Variants in CPNE8 observed in about 807,000 individuals in gnomAD.
CPNE8 encodes the protein copine-8.
A neutral mutation model predicts 81.5 loss-of-function variants in CPNE8; 45 were observed. The ratio of observed to expected loss-of-function variants is 0.55; its 90% CI spans 0.44 to 0.71. The LOEUF is 0.71. Ranked by LOEUF, CPNE8 falls within the 30% of genes least tolerant of loss-of-function variation. The probability of loss-of-function intolerance (pLI) is 0.00; values close to 1 mark genes in which losing one functional copy is unlikely to be tolerated. For missense variants in CPNE8, 594 were observed against 672.1 expected (o/e 0.88, Z 1.28); for synonymous variants, 252 against 226.3 (o/e 1.11, Z -1.02).
chr12:38,786,948 A>G (rs1215953880), intron 6 of CPNE8, among the ~76,000 whole-genome samples: 1 of 152,180 alleles, frequency 6.6e-6, no homozygotes, highest in Non-Finnish European at 1.5e-5. Context: ...AAGCATCCAG[A>G]TATATAACAC....
At chr12:38,690,550 G>A (rs150645295) in intron 15 of CPNE8, among the ~76,000 whole-genome samples, 20 of 152,130 alleles carry the variant, frequency 1.3e-4, no homozygotes, top group African/African-American at 4.1e-4. Flanking sequence ...ATAAATGTTC[G>A]AATTGGGCTC....
At chr12:38,689,546 C>T (rs1939620934) in intron 15 of CPNE8, among the ~76,000 whole-genome samples, 1 of 152,182 alleles carries the variant, frequency 6.6e-6, no homozygotes, top group Non-Finnish European at 1.5e-5. Flanking sequence ...GAACAAACAC[C>T]TATTGAGCTT....
At chr12:38,687,925 T>C (rs1939570379) in intron 15 of CPNE8, among the ~76,000 whole-genome samples, 1 of 152,218 alleles carries the variant, frequency 6.6e-6, no homozygotes, top group Non-Finnish European at 1.5e-5. Context: ...AAGATAAGTT[T>C]AATATTTAGC....
chr12:38,710,645 C>T (rs1454259481), intron 13 of CPNE8, among the ~76,000 whole-genome samples: 2 of 152,250 alleles, frequency 1.3e-5, no homozygotes, highest in East Asian at 1.9e-4. Context: ...TAACACTCTC[C>T]TCTGTGGGGT....
chr12:38,835,585 C>T (rs1287823296), intron 5 of CPNE8, among the ~76,000 whole-genome samples: 2 of 152,076 alleles, frequency 1.3e-5, no homozygotes, highest in African/African-American at 2.4e-5. Flanking sequence ...TATTGCCTGT[C>T]TGCCTATATG....
intron 13 of CPNE8, among the ~76,000 whole-genome samples, chr12:38,715,629 C>A (rs1023976410): frequency 4.6e-5 from 7 of 151,812 alleles, no homozygotes; most frequent in Non-Finnish European, 1.0e-4. Flanking sequence ...AATAAGCATG[C>A]AAAGGACTTA....
At chr12:38,902,830 A>ATT (rs1453309523) in intron 1 of CPNE8, among the ~76,000 whole-genome samples, 1 of 152,210 alleles carries the variant, frequency 6.6e-6, no homozygotes, top group Non-Finnish European at 1.5e-5. Context: ...AATAGCTAAC[A>ATT]TTTTTGAAAA....
At chr12:38,781,087 G>GA (rs994038599) in intron 6 of CPNE8, among the ~76,000 whole-genome samples, 6 of 151,836 alleles carry the variant, frequency 4.0e-5, no homozygotes, top group Non-Finnish European at 7.4e-5. Flanking sequence ...TAAATATGCT[G>GA]AAAAAATAGA....
intron 10 of CPNE8, among the ~76,000 whole-genome samples, chr12:38,754,127 A>C (rs1941409622): frequency 6.6e-6 from 1 of 152,254 alleles, no homozygotes; most frequent in South Asian, 2.1e-4. Context: ...AAATGACAGC[A>C]CTGAAATCGG....
chr12:38,843,095 G>C (rs563293679), intron 4 of CPNE8, among the ~76,000 whole-genome samples: 1 of 152,282 alleles, frequency 6.6e-6, no homozygotes, highest in Non-Finnish European at 1.5e-5. Flanking sequence ...TTTCTCCTAA[G>C]AGGATGCATC....
intron 10 of CPNE8, among the ~76,000 whole-genome samples, chr12:38,754,592 C>G (rs1941421097): frequency 1.3e-5 from 2 of 150,868 alleles, no homozygotes; most frequent in Non-Finnish European, 2.9e-5. Context: ...TGAAGATGTA[C>G]AGAAGTTAAA....
intron 1 of CPNE8, among the ~76,000 whole-genome samples, chr12:38,879,581 TTG>T (rs1345060110): frequency 1.3e-5 from 2 of 152,128 alleles, no homozygotes; most frequent in African/African-American, 4.8e-5. Context: ...AAAAAGTGAC[TTG>T]TGAGTTAATC....
intron 10 of CPNE8, among the ~76,000 whole-genome samples, chr12:38,737,305 G>T (rs1940978571): frequency 6.6e-6 from 1 of 151,740 alleles, no homozygotes; most frequent in African/African-American, 2.4e-5. Flanking sequence ...GCAATTAAAT[G>T]CCATCACCTA....
At position 38,712,496 on chromosome 12, in the gene CPNE8, AACC is replaced by A. The variant is rs1940284636; in HGVS notation, c.915-9578_915-9576del. ...TCAAAGTGCTGGGATTACAGGTGTG[AACC>A]ACCATGCCCAGGCTGCCACCAATTT... On this transcript the variant is annotated intron_variant, in intron 13 of 19. Coordinates refer to ENST00000331366, the MANE Select transcript of CPNE8 (RefSeq NM_153634.3). 5.3e-5 allele frequency among the ~76,000 whole-genome samples: 8 copies of A among 152,268 alleles called. No individual in the cohort carries two copies. In the South Asian group the frequency reaches 1.5e-3, roughly 28 times the overall value.
intron 11 of CPNE8, among the ~76,000 whole-genome samples, 179 bp from the exon 12 acceptor site, chr12:38,725,078 A>C (rs1481405067): frequency 6.6e-6 from 1 of 152,216 alleles, no homozygotes; most frequent in Non-Finnish European, 1.5e-5. Context: ...GCAAAAGTTA[A>C]TAGTGACTAT....
chr12:38,822,064 T>C (rs1202959400), intron 6 of CPNE8, among the ~76,000 whole-genome samples: 1 of 152,206 alleles, frequency 6.6e-6, no homozygotes, highest in Non-Finnish European at 1.5e-5. Flanking sequence ...AGGCAATCAG[T>C]GGTTTTATTT....
intron 6 of CPNE8, among the ~76,000 whole-genome samples, chr12:38,824,332 A>C (rs1292503484): frequency 6.6e-6 from 1 of 152,132 alleles, no homozygotes; most frequent in Non-Finnish European, 1.5e-5. Context: ...AAAAGGCTAC[A>C]TACAACAAAC....
Position 38,653,936 on chromosome 12 carries a change from T to A in CPNE8, c.1641A>T (p.Ser547=). 1 of 1,613,646 alleles carries A rather than the reference T, an allele frequency of 6.2e-7. No homozygotes were observed. Among genetic ancestry groups the A allele is most frequent in the Non-Finnish European group, 8.5e-7 (1 of 1,179,942 alleles). ...SYMRARGIKP[S]PAPPPYTPPT... ...GTGGGGTGTATGGGGGAGGCGCAGG[T>A]GATGGCTTGATTCCTCGGGCTCTCA... is the stretch of plus-strand genomic sequence containing the variant. Residue 547 remains serine (S), a synonymous_variant, in exon 20 of 20, where the codon TCA becomes TCT. Transcript: ENST00000331366.
rs76356118 is a variant in CPNE8 at position 38,894,635 on chromosome 12, C to T, written c.98+10802G>A. Among the ~76,000 whole-genome samples the T allele has an allele frequency of 4.0e-3, 605 of 150,568 alleles. 8 individuals are homozygous for T. Among genetic ancestry groups the T allele is most frequent in the African/African-American group, 0.014 (569 of 40,784 alleles). ...AGTTCCCACGTATCCCTTAGTCTCA[C>T]GTGCTTGCTCTCACTCCAGCTCACT... On this transcript the variant is annotated intron_variant, in intron 1 of 19. Coordinates refer to ENST00000331366, the MANE Select transcript of CPNE8 (RefSeq NM_153634.3).
Sources: gnomAD v4.1 joint callset for allele counts (sites outside exome capture counted in the v4.1 genomes callset) on GRCh38, gnomAD v4.1.1 for gene constraint, MANE v1.5 for transcripts, NCBI Gene and HGNC (gene_info 2026-07-23, HGNC 2026-07-21) for gene names.